Variants in AGBL4 observed in about 807,000 individuals in gnomAD.
AGBL4 encodes the protein AGBL carboxypeptidase 4.
In AGBL4, 58 loss-of-function variants were observed where a neutral mutation model predicts 66.4. The ratio of observed to expected loss-of-function variants is 0.87; its 90% CI spans 0.71 to 1.09. The LOEUF (loss-of-function observed/expected upper bound fraction) is 1.09, where lower values mean the gene tolerates loss of function less well. Ranked by LOEUF, AGBL4 falls within the 50% of genes least tolerant of loss-of-function variation. AGBL4 has a pLI of 0.00. For synonymous variants in AGBL4, 234 were observed against 222.9 expected (o/e 1.05, Z -0.44); for missense variants, 579 against 631.0 (o/e 0.92, Z 0.88).
chr1:49,487,649 A>C (rs1001524814), intron 3 of AGBL4, among the ~76,000 whole-genome samples: 55 of 152,100 alleles, frequency 3.6e-4, no homozygotes, highest in African/African-American at 1.3e-3. Flanking sequence ...AGCAATGCAG[A>C]AACTGTGAGT....
At chr1:49,079,880 G>A (rs1304216979) in intron 4 of AGBL4, among the ~76,000 whole-genome samples, 4 of 152,104 alleles carry the variant, frequency 2.6e-5, no homozygotes, top group Admixed American at 1.3e-4. Context: ...TGACACATTT[G>A]CCAAAGTTTT....
chr1:48,661,026 C>G (rs1646098471), intron 7 of AGBL4, among the ~76,000 whole-genome samples: 1 of 152,136 alleles, frequency 6.6e-6, no homozygotes, highest in Non-Finnish European at 1.5e-5. Flanking sequence ...TCACAACAGC[C>G]CCATAAGATG....
chr1:49,998,891 T>G (rs1326370550), intron 1 of AGBL4, among the ~76,000 whole-genome samples: 1 of 152,188 alleles, frequency 6.6e-6, no homozygotes, highest in Non-Finnish European at 1.5e-5. Context: ...CATCGCTTTA[T>G]GTTTAAAACC....
chr1:49,276,339 A>G (rs893029107), intron 3 of AGBL4, among the ~76,000 whole-genome samples: 6 of 151,906 alleles, frequency 3.9e-5, no homozygotes, highest in African/African-American at 1.2e-4. Flanking sequence ...CTAAACCAAA[A>G]CTCTCCAAAA....
At chr1:49,073,420 T>C (rs929388814) in intron 4 of AGBL4, among the ~76,000 whole-genome samples, 6 of 152,200 alleles carry the variant, frequency 3.9e-5, no homozygotes, top group African/African-American at 1.4e-4. Context: ...GGTGACCTAC[T>C]GATGAGGTTT....
chr1:49,232,730 G>T (rs1650420795), intron 4 of AGBL4, among the ~76,000 whole-genome samples: 1 of 141,638 alleles, frequency 7.1e-6, no homozygotes, highest in Admixed American at 7.3e-5. Flanking sequence ...ACTACAGGAA[G>T]TCAGAGTGTA....
At chr1:49,221,117 A>C (rs1482644619) in intron 4 of AGBL4, among the ~76,000 whole-genome samples, 1 of 152,186 alleles carries the variant, frequency 6.6e-6, no homozygotes, top group Non-Finnish European at 1.5e-5. Flanking sequence ...ATTTAGAGAT[A>C]TCTCCTCACA....
At chr1:48,684,378 C>G (rs1301513558) in intron 6 of AGBL4, among the ~76,000 whole-genome samples, 1 of 152,210 alleles carries the variant, frequency 6.6e-6, no homozygotes, top group Non-Finnish European at 1.5e-5. Flanking sequence ...CAAACATTCT[C>G]TGTCTTCAGC....
chr1:49,348,277 G>T (rs1271713951), intron 3 of AGBL4, among the ~76,000 whole-genome samples: 1 of 152,092 alleles, frequency 6.6e-6, no homozygotes, highest in Non-Finnish European at 1.5e-5. Context: ...AACTAGCCGG[G>T]TATGGTGGCA....
intron 6 of AGBL4, among the ~76,000 whole-genome samples, chr1:48,728,648 A>G (rs1024142547): frequency 2.6e-5 from 4 of 152,180 alleles, no homozygotes; most frequent in African/African-American, 9.7e-5. Flanking sequence ...TGCAATTAAA[A>G]ACACTCTGGC....
At chr1:48,730,936 ACT>A (rs1378467922) in intron 6 of AGBL4, among the ~76,000 whole-genome samples, 1 of 152,112 alleles carries the variant, frequency 6.6e-6, no homozygotes, top group Non-Finnish European at 1.5e-5. Flanking sequence ...TTAGAGCAAG[ACT>A]CTGCTTCAGC....
chr1:48,887,891 G>T (rs1192257741), intron 5 of AGBL4, among the ~76,000 whole-genome samples: 4 of 152,174 alleles, frequency 2.6e-5, no homozygotes, highest in African/African-American at 7.2e-5. Flanking sequence ...CTGGCAAAGG[G>T]CCTGGCACAG....
chr1:49,394,260 G>C (rs1472329127), intron 3 of AGBL4, among the ~76,000 whole-genome samples: 2 of 151,902 alleles, frequency 1.3e-5, no homozygotes, highest in Admixed American at 1.3e-4. Context: ...CAACAAAACT[G>C]CACTTTGAGG....
chr1:48,621,839 A>G (rs1187554294), intron 9 of AGBL4, among the ~76,000 whole-genome samples: 1 of 151,570 alleles, frequency 6.6e-6, no homozygotes, highest in African/African-American at 2.4e-5. Flanking sequence ...TTTTGCATAA[A>G]TCCTTATTCA....
intron 5 of AGBL4, among the ~76,000 whole-genome samples, chr1:48,945,798 A>G (rs1232863974): frequency 1.3e-5 from 2 of 152,192 alleles, no homozygotes; most frequent in African/African-American, 2.4e-5. Flanking sequence ...GTCTGCAGCT[A>G]TTTCTGGTTC....
intron 3 of AGBL4, among the ~76,000 whole-genome samples, chr1:49,356,956 G>C (rs2148528922): frequency 6.6e-6 from 1 of 152,250 alleles, no homozygotes; most frequent in Admixed American, 6.5e-5. Flanking sequence ...CCCCAAATTG[G>C]TGTCTCTGAC....
chr1:49,755,175 C>T (rs1651797971), intron 2 of AGBL4, among the ~76,000 whole-genome samples: 1 of 152,144 alleles, frequency 6.6e-6, no homozygotes, highest in African/African-American at 2.4e-5. Flanking sequence ...AGTGTTATCT[C>T]CTCTAATGGT....
At chr1:48,546,860 AACAAACAC>A (rs1569722720) in intron 11 of AGBL4, among the ~76,000 whole-genome samples, 2 of 42,872 alleles carry the variant, frequency 4.7e-5, no homozygotes, top group Admixed American at 2.2e-4. Context: ...TAGTAAAACA[AACAAACAC>A]ACACACACAC....
chr1:48,987,142 A>G (rs1166966481), intron 5 of AGBL4, among the ~76,000 whole-genome samples: 1 of 151,866 alleles, frequency 6.6e-6, no homozygotes, highest in Non-Finnish European at 1.5e-5. Flanking sequence ...CCAAAGAAGG[A>G]AAAAAAAGAG....
Sources: gnomAD v4.1 joint callset for allele counts (sites outside exome capture counted in the v4.1 genomes callset) on GRCh38, gnomAD v4.1.1 for gene constraint, MANE v1.5 for transcripts, NCBI Gene and HGNC (gene_info 2026-07-23, HGNC 2026-07-21) for gene names.